TOGARAM1: variants seen among roughly 807,000 people sequenced by gnomAD.
TOGARAM1 encodes the protein TOG array regulator of axonemal microtubules 1, also known as TOG array regulator of axonemal microtubules protein 1.
TOGARAM1 carries 100 observed loss-of-function variants against 166.6 expected under a neutral mutation model. The ratio of observed to expected loss-of-function variants is 0.60; its 90% confidence interval spans 0.51 to 0.71. The LOEUF (loss-of-function observed/expected upper bound fraction) is 0.71, where lower values mean the gene tolerates loss of function less well. TOGARAM1 is among the 30% of genes least tolerant of loss of function. The pLI, the probability that TOGARAM1 is intolerant of heterozygous loss-of-function variation, is 0.00. For synonymous variants in TOGARAM1, 758 were observed against 763.8 expected (o/e 0.99, Z 0.13); for missense variants, 2,029 against 2,102.7 (o/e 0.96, Z 0.69).
chr14:44,970,217 A>G (rs560791726), intron 1 of TOGARAM1, among the ~76,000 whole-genome samples: 21 of 152,268 alleles, frequency 1.4e-4, no homozygotes, highest in Non-Finnish European at 2.8e-4. Flanking sequence ...GATATCTTGC[A>G]TTGGAGTTCT....
chr14:44,965,292 C>T (rs1885468807), intron 1 of TOGARAM1, among the ~76,000 whole-genome samples: 1 of 152,158 alleles, frequency 6.6e-6, no homozygotes. Context: ...ATGTAACAGA[C>T]AGCCTGTATT....
rs573528669 is a variant in TOGARAM1 at position 44,991,284 on chromosome 14, T to A, written c.2047-4462T>A. On this transcript the variant is annotated intron_variant, in intron 1 of 19. Coordinates refer to ENST00000361462, the MANE Select transcript of TOGARAM1 (RefSeq NM_001308120.2). ...TAGTTTTTTGTTTTTGTTTTTTTTT[T>A]ATTTTAGCTATGTAGCATATGTGAC... Among the ~76,000 whole-genome samples the A allele has an allele frequency of 1.4e-4, 22 of 152,082 alleles. 3 individuals are homozygous for A. Among genetic ancestry groups the A allele is most frequent in the African/African-American group, 4.6e-4 (19 of 41,482 alleles).
chr14:45,068,380 A>C, intron 17 of TOGARAM1, 44 bp from the exon 18 acceptor site: 1 of 1,374,994 alleles, frequency 7.3e-7, no homozygotes, highest in Non-Finnish European at 1.0e-6. Flanking sequence ...TACAATAGCT[A>C]TAAAAATCAT....
intron 1 of TOGARAM1, chr14:44,995,356 T>C: frequency 2.5e-6 from 1 of 401,852 alleles, no homozygotes; most frequent in Non-Finnish European, 5.1e-6. Flanking sequence ...AGTAGAATGC[T>C]TGCTTGTTCA....
chr14:45,032,764 G>A (rs913472009), intron 11 of TOGARAM1, among the ~76,000 whole-genome samples: 1 of 152,084 alleles, frequency 6.6e-6, no homozygotes, highest in African/African-American at 2.4e-5. Flanking sequence ...AGTAACTCAA[G>A]GGAGACAAAA....
chr14:45,049,786 G>T (rs1882269607), intron 14 of TOGARAM1, among the ~76,000 whole-genome samples: 1 of 151,922 alleles, frequency 6.6e-6, no homozygotes. Context: ...ATCATTATAG[G>T]CTAGTTAGGA....
chr14:45,017,052 C>T (rs1239729155), intron 7 of TOGARAM1, among the ~76,000 whole-genome samples: 7 of 152,004 alleles, frequency 4.6e-5, no homozygotes, highest in Non-Finnish European at 8.8e-5. Flanking sequence ...TTTCATCTAG[C>T]GCGTTAGAAA....
At chr14:45,023,712 T>G (rs1350168649) in intron 7 of TOGARAM1, among the ~76,000 whole-genome samples, 3 of 152,172 alleles carry the variant, frequency 2.0e-5, no homozygotes, top group Non-Finnish European at 4.4e-5. Context: ...TTCTCTGTTT[T>G]CTACAGAACA....
At chr14:45,010,050 C>A (rs1314828933) in intron 6 of TOGARAM1, among the ~76,000 whole-genome samples, 1 of 151,766 alleles carries the variant, frequency 6.6e-6, no homozygotes, top group Non-Finnish European at 1.5e-5. Flanking sequence ...ATTTTTTTTC[C>A]TTTGATTTAA....
chr14:45,011,968 AT>A lies in TOGARAM1; in HGVS notation c.3138-5del. The A allele has an allele frequency of 6.3e-7, 1 of 1,588,016 alleles. No homozygotes were observed. The highest frequency in any genetic ancestry group is 8.6e-7 in the Non-Finnish European group (1 of 1,167,508). The stretch of plus-strand genomic sequence containing the variant: ...ATGTTTATTGAAATTACTTTGTTTC[AT>A]TGCAGGTCAGACATATTTCCAACAT... On this transcript the variant is annotated splice_polypyrimidine_tract_variant and splice_region_variant and intron_variant, in intron 6 of 19. Transcript: ENST00000361462.
At chr14:45,033,625 A>T (rs1881281743) in intron 11 of TOGARAM1, among the ~76,000 whole-genome samples, 1 of 152,148 alleles carries the variant, frequency 6.6e-6, no homozygotes, top group South Asian at 2.1e-4. Context: ...TTTAAATTCC[A>T]TCTAAACTCT....
At chr14:45,015,773 T>A (rs1401637307) in intron 7 of TOGARAM1, among the ~76,000 whole-genome samples, 3 of 152,184 alleles carry the variant, frequency 2.0e-5, no homozygotes, top group Non-Finnish European at 4.4e-5. Context: ...GTGGCAGTGC[T>A]GTAATTTAAA....
At chr14:44,977,401 A>AT (rs1009404478) in intron 1 of TOGARAM1, among the ~76,000 whole-genome samples, 39 of 151,012 alleles carry the variant, frequency 2.6e-4, no homozygotes, top group African/African-American at 7.1e-4. Context: ...TGCCCAGCTA[A>AT]TTTTTTTTGT....
chr14:44,964,494 G>A lies in TOGARAM1; in HGVS notation c.2046+27G>A, dbSNP rs368253610. 123 of 1,515,858 alleles carry A rather than the reference G, an allele frequency of 8.1e-5. 1 individual carries two copies. The East Asian group carries it at 2.3e-3, about 28-fold the overall frequency. The allele number at this position is 1,515,858 out of a possible 1,614,324, so 93.9% of individuals were successfully genotyped here. On this transcript the variant is annotated intron_variant, in intron 1 of 19. Transcript: ENST00000361462. ...TATGCTTCTCTAATTTTCTTGAGTC[G>A]AAAGTGTGAAGAATTTAAATGAAAA... is the stretch of plus-strand genomic sequence containing the variant.
At chr14:44,965,174 G>C (rs1452239337) in intron 1 of TOGARAM1, among the ~76,000 whole-genome samples, 1 of 152,028 alleles carries the variant, frequency 6.6e-6, no homozygotes, top group Non-Finnish European at 1.5e-5. Flanking sequence ...TGGATATCTT[G>C]AGATTTCACT....
At chr14:45,048,244 C>T (rs561096170) in intron 14 of TOGARAM1, among the ~76,000 whole-genome samples, 9 of 131,316 alleles carry the variant, frequency 6.9e-5, no homozygotes, top group Admixed American at 2.7e-4. Flanking sequence ...TCCAGCTACT[C>T]GGGAGGCTGA....
chr14:45,028,169 C>G lies in TOGARAM1; in HGVS notation c.3505-7C>G, dbSNP rs758420889. ...AATATTTTCAGACTTTCAACTTTTT[C>G]ATGCAGGCTAAAGTTTCTATTTCTA... On this transcript the variant is annotated splice_polypyrimidine_tract_variant and splice_region_variant and intron_variant, in intron 9 of 19. Coordinates refer to ENST00000361462, the MANE Select transcript of TOGARAM1 (RefSeq NM_001308120.2). 30 of 1,557,200 alleles carry G rather than the reference C, an allele frequency of 1.9e-5. No individual in the cohort carries two copies. Among genetic ancestry groups the G allele is most frequent in the Non-Finnish European group, 2.4e-5 (28 of 1,159,774 alleles).
chr14:45,018,430 G>C (rs7493823), intron 7 of TOGARAM1, among the ~76,000 whole-genome samples: 16,985 of 152,018 alleles, frequency 0.11, 1,372 homozygotes, highest in African/African-American at 0.23. Context: ...TTTCAGTAGA[G>C]ACAGGGTTTC....
At chr14:45,019,700 C>T (rs867638336) in intron 7 of TOGARAM1, among the ~76,000 whole-genome samples, 14 of 152,230 alleles carry the variant, frequency 9.2e-5, no homozygotes, top group Middle Eastern at 3.4e-3. Context: ...CCTGATTGGT[C>T]GAGTGTGAGC....
Sources: allele counts gnomAD v4.1 joint callset (sites outside exome capture counted in the v4.1 genomes callset), GRCh38; gene constraint gnomAD v4.1.1; transcripts MANE v1.5; gene names NCBI Gene and HGNC (gene_info 2026-07-23, HGNC 2026-07-21).